The following PKIB variants were observed in gnomAD, a reference collection of about 807,000 sequenced individuals.
The protein encoded by PKIB is PKI-beta.
In PKIB, 2 loss-of-function variants were observed where a neutral mutation model predicts 4.5. The observed-to-expected ratio is 0.44, with a 90% CI of 0.18 to 1.39. The LOEUF is 1.39. Among genes scored for constraint, PKIB ranks in the 40% most tolerant of loss-of-function variants. The probability of loss-of-function intolerance (pLI) is 0.27; values close to 1 mark genes in which losing one functional copy is unlikely to be tolerated. For missense variants in PKIB, 94 were observed against 92.6 expected (o/e 1.02, Z -0.06); for synonymous variants, 38 against 36.0 (o/e 1.06, Z -0.20).
intron 2 of PKIB, among the ~76,000 whole-genome samples, chr6:122,513,134 A>G (rs1038370773): frequency 2.6e-5 from 4 of 152,062 alleles, no homozygotes; most frequent in African/African-American, 9.7e-5. Flanking sequence ...ATCATCCTCA[A>G]TTGCTCATTC....
intron 3 of PKIB, among the ~76,000 whole-genome samples, chr6:122,707,286 A>C (rs1779102197): frequency 6.6e-6 from 1 of 152,088 alleles, no homozygotes; most frequent in Non-Finnish European, 1.5e-5. Flanking sequence ...TGCTTGCTGC[A>C]ACGTTATAAT....
At chr6:122,671,398 A>AC (rs931994428) in intron 2 of PKIB, among the ~76,000 whole-genome samples, 5 of 151,528 alleles carry the variant, frequency 3.3e-5, no homozygotes, top group African/African-American at 1.2e-4. Context: ...ATCTCGTGTT[A>AC]CAGTTGTCTA....
chr6:122,640,069 G>C (rs561085563), intron 2 of PKIB, among the ~76,000 whole-genome samples: 134 of 152,264 alleles, frequency 8.8e-4, no homozygotes, highest in African/African-American at 3.1e-3. Context: ...AAAGGAGATA[G>C]TACGTGTCAC....
At chr6:122,645,029 T>C (rs1186665693) in intron 2 of PKIB, among the ~76,000 whole-genome samples, 2 of 152,248 alleles carry the variant, frequency 1.3e-5, no homozygotes, top group African/African-American at 4.8e-5. Context: ...TTTGTCTTTA[T>C]AACTGTGCTA....
rs1372894455 is a variant in PKIB, at chr6:122,506,654, A to G, written c.-248+28715A>G. Among the ~76,000 whole-genome samples the G allele has an allele frequency of 3.4e-5, 5 of 148,216 alleles. No individual in the cohort carries two copies. The East Asian group carries it at 6.0e-4, about 18-fold the overall frequency. Reference sequence around the variant, plus strand: ...TAGGAGACCAATTAATGACGATTTTATAGGAATTATTTTGTAGTACCAGTG... The same window carrying G: ...TAGGAGACCAATTAATGACGATTTTGTAGGAATTATTTTGTAGTACCAGTG... On this transcript the variant is annotated intron_variant, in intron 2 of 6. Transcript: ENST00000392491.
At chr6:122,564,046 G>T (rs1773109530) in intron 2 of PKIB, among the ~76,000 whole-genome samples, 1 of 152,130 alleles carries the variant, frequency 6.6e-6, no homozygotes, top group Non-Finnish European at 1.5e-5. Context: ...ACCCTCACTT[G>T]GCTCTCTAAA....
chr6:122,552,464 C>T (rs1772705498), intron 2 of PKIB, among the ~76,000 whole-genome samples: 2 of 152,132 alleles, frequency 1.3e-5, no homozygotes, highest in African/African-American at 4.8e-5. Flanking sequence ...ACAACCTCCA[C>T]CCCCTGGGTT....
intron 2 of PKIB, among the ~76,000 whole-genome samples, chr6:122,584,692 TAAGA>T (rs1773800325): frequency 6.6e-6 from 1 of 152,170 alleles, no homozygotes; most frequent in Non-Finnish European, 1.5e-5. Context: ...TTCAATTTAT[TAAGA>T]AAGAATCTTG....
rs533034059 is a variant in PKIB, at chr6:122,550,938, A to G, written c.-247-34983A>G. ...GGGCATTGATTTCGATGATGGAAAA[A>G]TTTTTTAGTCACAGTCGTGAAGGTG... On this transcript the variant is annotated intron_variant, in intron 2 of 6. Transcript: ENST00000392491. 5.9e-5 allele frequency among the ~76,000 whole-genome samples: 9 copies of G among 152,242 alleles called. No individual in the cohort carries two copies. The South Asian group carries it at 1.9e-3, about 32-fold the overall frequency.
intron 4 of PKIB, among the ~76,000 whole-genome samples, chr6:122,719,525 G>C (rs1005003162): frequency 6.6e-6 from 1 of 152,152 alleles, no homozygotes; most frequent in Non-Finnish European, 1.5e-5. Context: ...CAAACTGCTA[G>C]AATCAGAGAG....
chr6:122,585,282 C>T (rs915650477), intron 2 of PKIB, among the ~76,000 whole-genome samples: 2 of 152,132 alleles, frequency 1.3e-5, no homozygotes, highest in South Asian at 2.1e-4. Flanking sequence ...GTCTGCCCTG[C>T]ACCTTTATGA....
At chr6:122,520,489 A>G (rs1017965652) in intron 2 of PKIB, among the ~76,000 whole-genome samples, 3 of 152,176 alleles carry the variant, frequency 2.0e-5, no homozygotes, top group South Asian at 2.1e-4. Context: ...CCATAGGTCT[A>G]TTCTGCAGAT....
intron 2 of PKIB, among the ~76,000 whole-genome samples, chr6:122,650,056 G>T (rs1776488753): frequency 6.6e-6 from 1 of 152,148 alleles, no homozygotes; most frequent in Non-Finnish European, 1.5e-5. Flanking sequence ...GGCCAAAGTA[G>T]TACACCGAAA....
chr6:122,692,021 G>T (rs1415626454), intron 3 of PKIB, among the ~76,000 whole-genome samples: 1 of 152,180 alleles, frequency 6.6e-6, no homozygotes, highest in Non-Finnish European at 1.5e-5. Flanking sequence ...TTGCTCTCTT[G>T]CTTTACTTTC....
chr6:122,525,420 G>A (rs909662496), intron 2 of PKIB, among the ~76,000 whole-genome samples: 4 of 152,070 alleles, frequency 2.6e-5, no homozygotes, highest in Admixed American at 6.6e-5. Context: ...AATGTTCTAT[G>A]TGCACTTGAG....
intron 2 of PKIB, among the ~76,000 whole-genome samples, chr6:122,550,437 T>C (rs796513941): frequency 7.2e-5 from 11 of 152,314 alleles, no homozygotes; most frequent in African/African-American, 2.4e-4. Flanking sequence ...ATTTTAGAAA[T>C]TTATTAAAAT....
intron 2 of PKIB, among the ~76,000 whole-genome samples, chr6:122,549,793 T>G (rs1451196369): frequency 6.7e-6 from 1 of 149,378 alleles, no homozygotes; most frequent in Non-Finnish European, 1.5e-5. Context: ...GTTTCTTCCT[T>G]TTATGTTACC....
chr6:122,546,809 G>A (rs1464201033), intron 2 of PKIB, among the ~76,000 whole-genome samples: 3 of 152,032 alleles, frequency 2.0e-5, no homozygotes, highest in Admixed American at 1.3e-4. Context: ...CAAAATCAGA[G>A]ATAGGTACTA....
chr6:122,675,418 C>T (rs549380288), intron 3 of PKIB, among the ~76,000 whole-genome samples: 22 of 152,080 alleles, frequency 1.4e-4, no homozygotes, highest in Non-Finnish European at 3.1e-4. Flanking sequence ...ATGTCTTTTT[C>T]ATTATCGTTT....
Sources: allele counts gnomAD v4.1 joint callset (sites outside exome capture counted in the v4.1 genomes callset), GRCh38; gene constraint gnomAD v4.1.1; transcripts MANE v1.5; gene names NCBI Gene and HGNC (gene_info 2026-07-23, HGNC 2026-07-21).